CALCOCO2: variants seen among roughly 807,000 people sequenced by gnomAD.
CALCOCO2 encodes calcium binding and coiled-coil domain 2.
In CALCOCO2, 42 loss-of-function variants were observed where a neutral mutation model predicts 62.5. The observed-to-expected ratio is 0.67, with a 90% confidence interval of 0.53 to 0.87. The LOEUF (loss-of-function observed/expected upper bound fraction) is 0.87. Among genes scored for constraint, CALCOCO2 ranks in the 40% least tolerant of loss-of-function variants. CALCOCO2 has a pLI of 0.00. For missense variants in CALCOCO2, 456 were observed against 515.0 expected (o/e 0.89, Z 1.11); for synonymous variants, 167 against 173.0 (o/e 0.97, Z 0.27).
chr17:48,850,921 A>T, intron 5 of CALCOCO2, 168 bp from the exon 6 acceptor site: 1 of 378,646 alleles, frequency 2.6e-6, no homozygotes, highest in Non-Finnish European at 4.8e-6. Flanking sequence ...CTGTCTTAAA[A>T]AAAAAAAAAA....
intron 11 of CALCOCO2, 114 bp downstream of exon 11, chr17:48,860,563 G>C (rs1222966547): frequency 1.1e-6 from 1 of 879,286 alleles, no homozygotes; most frequent in Non-Finnish European, 1.8e-6. Flanking sequence ...AGACTTGCTG[G>C]GCAGAAGCTG....
intron 10 of CALCOCO2, among the ~76,000 whole-genome samples, chr17:48,860,026 G>A (rs1052910349): frequency 8.5e-5 from 13 of 152,154 alleles, no homozygotes; most frequent in South Asian, 2.1e-4. Context: ...CCTGGGAGAC[G>A]GAGGTTGCAG....
chr17:48,838,180 C>G (rs1482138817), intron 1 of CALCOCO2, among the ~76,000 whole-genome samples: 1 of 151,846 alleles, frequency 6.6e-6, no homozygotes, highest in East Asian at 1.9e-4. Context: ...ATTGAGCAAG[C>G]AGGGGGTACA....
chr17:48,852,533 A>G lies in CALCOCO2; in HGVS notation c.730A>G (p.Met244Val). The G allele has an allele frequency of 6.2e-7, 1 of 1,613,642 alleles. No homozygotes were observed. The highest frequency in any genetic ancestry group is 8.5e-7 in the Non-Finnish European group (1 of 1,179,680). The change falls in exon 8 of 13, where the codon ATG becomes GTG. Residue 244 changes from methionine to valine, a missense_variant. Physicochemically the swap from Met to Val is conservative, Grantham distance 21. Coordinates refer to ENST00000258947, the MANE Select transcript of CALCOCO2 (RefSeq NM_005831.5). The part of the protein sequence containing the change: ...QAQLSTQEKE[M>V]EKLVQGDQDK... ...CCAGCTGTCAACTCAAGAGAAAGAA[A>G]TGGAGAAGCTTGTTCAGGGAGATCA...
chr17:48,833,135 C>T (rs2039839531), intron 1 of CALCOCO2, among the ~76,000 whole-genome samples: 1 of 152,242 alleles, frequency 6.6e-6, no homozygotes, highest in African/African-American at 2.4e-5. Flanking sequence ...CATCTACACA[C>T]ACCCATAGTA....
intron 9 of CALCOCO2, among the ~76,000 whole-genome samples, chr17:48,855,380 C>G (rs188505263): frequency 6.6e-6 from 1 of 152,112 alleles, no homozygotes; most frequent in African/African-American, 2.4e-5. Context: ...ACCTCAGGGT[C>G]GGCTAGACAT....
At chr17:48,851,785 T>C in intron 7 of CALCOCO2, 157 bp downstream of exon 7, 6 of 600,690 alleles carry the variant, frequency 1.0e-5, no homozygotes, top group Non-Finnish European at 1.5e-5. Flanking sequence ...TTTCCATTCT[T>C]GGACCAGGTA....
At chr17:48,846,470 G>A (rs62621985) in intron 2 of CALCOCO2, 32,013 of 1,495,040 alleles carry the variant, frequency 0.021, 436 homozygotes, top group Middle Eastern at 0.041. Flanking sequence ...AGACAAATTG[G>A]AACAAGAACT....
chr17:48,839,825 G>C (rs758677027), intron 1 of CALCOCO2, among the ~76,000 whole-genome samples: 3 of 151,476 alleles, frequency 2.0e-5, no homozygotes, highest in Non-Finnish European at 4.4e-5. Flanking sequence ...GCAGGCATGT[G>C]CCACCACGCC....
At chr17:48,858,005 A>G (rs1056137484) in intron 10 of CALCOCO2, among the ~76,000 whole-genome samples, 393 of 21,112 alleles carry the variant, frequency 0.019, 9 homozygotes, top group Non-Finnish European at 0.024. Context: ...AATAGAATAG[A>G]ATAGAATAGA....
chr17:48,861,475 C>T (rs202052351), intron 11 of CALCOCO2, among the ~76,000 whole-genome samples: 1 of 151,928 alleles, frequency 6.6e-6, no homozygotes, highest in Non-Finnish European at 1.5e-5. Context: ...CTCAGCCTCC[C>T]AAAGTGCTGG....
rs1555573799 is a variant in CALCOCO2, at chr17:48,857,974, C to CAATAGAATAGAATAGAATAG, written c.1008+1840_1008+1859dup. Among the ~76,000 whole-genome samples, 98 of 40,148 alleles carry CAATAGAATAGAATAGAATAG rather than the reference C, an allele frequency of 2.4e-3. 11 individuals are homozygous for CAATAGAATAGAATAGAATAG. The highest frequency in any genetic ancestry group is 3.3e-3 in the African/African-American group (45 of 13,620). 26.3% of individuals were successfully genotyped at this position (40,148 alleles called of 152,430 possible). ...CCTGGCTGACAGAGCAAGACTACAT[C>CAATAGAATAGAATAGAATAG]AATAGAATAGAATAGAATAGAATAG... On this transcript the variant is annotated intron_variant, in intron 10 of 12. Transcript: ENST00000258947.
intron 10 of CALCOCO2, among the ~76,000 whole-genome samples, chr17:48,857,497 C>CTTTTTTTTTTTTTGTTTT (rs2040235782): frequency 2.6e-5 from 1 of 38,428 alleles, no homozygotes; most frequent in Non-Finnish European, 4.8e-5. Flanking sequence ...GCACCCGGCC[C>CTTTTTTTTTTTTTGTTTT]TTTTTTTTTT....
chr17:48,833,676 G>A (rs996368852), intron 1 of CALCOCO2, among the ~76,000 whole-genome samples: 3 of 152,176 alleles, frequency 2.0e-5, no homozygotes, highest in Non-Finnish European at 4.4e-5. Context: ...TTTCTTGCCT[G>A]TAGAAGCATT....
intron 8 of CALCOCO2, 26 bp from the exon 9 acceptor site, chr17:48,852,900 T>C (rs1447898615): frequency 9.0e-6 from 14 of 1,553,614 alleles, no homozygotes; most frequent in East Asian, 2.2e-5. Context: ...TTCCCAGCAA[T>C]GGTACTGAAA....
At position 48,857,344 on chromosome 17, in the gene CALCOCO2, A is replaced by G. The variant is rs2040232435; in HGVS notation, c.1008+1157A>G. On this transcript the variant is annotated intron_variant, in intron 10 of 12. Transcript: ENST00000258947. ...TCCTGAGTAGCTGGGATTACAGGCAATTGCCACCACGCCTGGCTAGTTTTG... is the reference window on the plus strand; with the variant it reads ...TCCTGAGTAGCTGGGATTACAGGCAGTTGCCACCACGCCTGGCTAGTTTTG... Among the ~76,000 whole-genome samples, 4 of 149,298 alleles carry G rather than the reference A, an allele frequency of 2.7e-5. No homozygotes were observed. In the South Asian group the frequency reaches 8.5e-4, roughly 32 times the overall value.
intron 11 of CALCOCO2, among the ~76,000 whole-genome samples, chr17:48,860,763 A>C (rs1335379690): frequency 6.6e-6 from 1 of 152,144 alleles, no homozygotes; most frequent in Non-Finnish European, 1.5e-5. Flanking sequence ...TGAGGAAGCT[A>C]ATTAAGGTTT....
At chr17:48,849,443 A>G (rs1486387250) in intron 5 of CALCOCO2, 66 bp downstream of exon 5, 82 of 1,367,450 alleles carry the variant, frequency 6.0e-5, no homozygotes, top group Non-Finnish European at 7.9e-5. Flanking sequence ...CCTCTTATCC[A>G]GCACCATATT....
intron 4 of CALCOCO2, chr17:48,848,865 C>A (rs1334231556): frequency 2.1e-6 from 1 of 478,128 alleles, no homozygotes; most frequent in Non-Finnish European, 4.1e-6. Flanking sequence ...CATCATTTAA[C>A]AGGACACCTA....
Sources: gnomAD v4.1 joint callset for allele counts (sites outside exome capture counted in the v4.1 genomes callset) on GRCh38, gnomAD v4.1.1 for gene constraint, MANE v1.5 for transcripts, NCBI Gene and HGNC (gene_info 2026-07-23, HGNC 2026-07-21) for gene names.